The following POGZ variants were observed in gnomAD, a reference collection of about 807,000 sequenced individuals.
The protein encoded by POGZ is pogo transposable element derived with ZNF domain.
Under a neutral mutation model 134.6 loss-of-function variants are expected in POGZ, and 17 were observed. That is an observed-to-expected ratio of 0.13 (90% confidence interval 0.09 to 0.19). The LOEUF is 0.19. Ranked by LOEUF, POGZ falls within the 10% of genes least tolerant of loss-of-function variation. The pLI is 1.00. For synonymous variants in POGZ, 693 were observed against 657.1 expected (o/e 1.05, Z -0.84); for missense variants, 1,306 against 1,769.7 (o/e 0.74, Z 4.70).
chr1:151,434,818 G>A (rs1250380728), intron 3 of POGZ, among the ~76,000 whole-genome samples: 1 of 151,910 alleles, frequency 6.6e-6, no homozygotes, highest in Non-Finnish European at 1.5e-5. Context: ...TCCTGACCTT[G>A]TGATCTGCCC....
intron 3 of POGZ, among the ~76,000 whole-genome samples, chr1:151,439,920 C>A (rs1009838436): frequency 6.6e-6 from 1 of 152,054 alleles, no homozygotes; most frequent in African/African-American, 2.4e-5. Context: ...CTCTTACAAC[C>A]CATTGTTAAT....
At chr1:151,427,068 C>T (rs1332171885) in intron 7 of POGZ, 1 of 150,570 alleles carries the variant, frequency 6.6e-6, no homozygotes, top group Admixed American at 6.6e-5. Context: ...CCACGCCTGG[C>T]TAATCTTTTT....
At chr1:151,418,935 G>A (rs765622383) in intron 10 of POGZ, among the ~76,000 whole-genome samples, 4 of 136,990 alleles carry the variant, frequency 2.9e-5, no homozygotes, top group Non-Finnish European at 4.5e-5. Context: ...TGAGGCAGGA[G>A]AATCGCTTGA....
chr1:151,408,986 C>CA (rs760765508), intron 12 of POGZ, among the ~76,000 whole-genome samples, 158 bp from the exon 13 acceptor site: 1 of 152,114 alleles, frequency 6.6e-6, no homozygotes, highest in Non-Finnish European at 1.5e-5. Flanking sequence ...AACATGACCA[C>CA]AAAACCTACC....
At chr1:151,417,569 C>T (rs953123363) in intron 10 of POGZ, among the ~76,000 whole-genome samples, 4 of 151,212 alleles carry the variant, frequency 2.6e-5, no homozygotes, top group Admixed American at 2.6e-4. Context: ...ACCACGTTGG[C>T]CAGGCTGGTC....
rs184613893 is a variant in POGZ, at chr1:151,419,949, C to T, written c.1678+3448G>A. On this transcript the variant is annotated intron_variant, in intron 10 of 18. Transcript: ENST00000271715. ...TGTGGAACTTCGGAATAACAAAACC[C>T]ACCCCCCATATTACGCGTAAAAATG... Among the ~76,000 whole-genome samples, 300 of 152,054 alleles carry T rather than the reference C, an allele frequency of 2.0e-3. 1 individual carries two copies. The highest frequency in any genetic ancestry group is 7.1e-3 in the African/African-American group (295 of 41,464).
intron 3 of POGZ, among the ~76,000 whole-genome samples, chr1:151,431,771 C>G (rs1405165200): frequency 6.6e-6 from 1 of 152,108 alleles, no homozygotes; most frequent in Admixed American, 6.6e-5. Context: ...TTTAAGTCCC[C>G]TATTTCATGA....
Position 151,406,014 on chromosome 1 carries a change from A to T in POGZ, c.3021T>A (p.Leu1007=). 6.2e-7 allele frequency: 1 copy of T among 1,614,236 alleles called. No individual in the cohort carries two copies. Among genetic ancestry groups the T allele is most frequent in the Non-Finnish European group, 8.5e-7 (1 of 1,180,044 alleles). ...RNPQRRIRRW[L]RRFQASQGEN... Reference sequence around the variant, plus strand: ...CCCCCTGGGAGGCCTGGAAACGTCGAAGCCAACGGCGAATACGTCGCTGGG... The same window carrying T: ...CCCCCTGGGAGGCCTGGAAACGTCGTAGCCAACGGCGAATACGTCGCTGGG... Residue 1007 remains leucine, a synonymous_variant, in exon 19 of 19, where the codon CTT becomes CTA. Coordinates refer to ENST00000271715, the MANE Select transcript of POGZ (RefSeq NM_015100.4).
chr1:151,405,258 G>A lies in POGZ; in HGVS notation c.3777C>T (p.Ser1259=). ...TGCATACATCTAATGGCTGAATTTT[G>A]GAGCTACAGCCTGCTGGGACCACTG... ...LPAVVPAGCS[S]KIQPLDVCIK... The change falls in exon 19 of 19, where the codon TCC becomes TCT. Residue 1259 remains serine (S), a synonymous_variant. Transcript: ENST00000271715. The surrounding 1 kb of genome is among the most constrained non-coding windows in gnomAD (Gnocchi z 4.9). The A allele has an allele frequency of 1.2e-6, 2 of 1,614,140 alleles. No individual in the cohort carries two copies. The highest frequency in any genetic ancestry group is 1.7e-6 in the Non-Finnish European group (2 of 1,180,004).
intron 1 of POGZ, among the ~76,000 whole-genome samples, chr1:151,443,959 A>G (rs1305281769): frequency 1.3e-5 from 2 of 152,042 alleles, no homozygotes; most frequent in African/African-American, 4.8e-5. Context: ...CAAACAACCA[A>G]CCTAACCATT....
intron 10 of POGZ, 83 bp from the exon 11 acceptor site, chr1:151,412,479 TC>T: frequency 8.0e-6 from 6 of 749,634 alleles, no homozygotes; most frequent in Non-Finnish European, 1.4e-5. Context: ...TTTCTCTGCC[TC>T]CTTTATTTTG....
chr1:151,408,879 T>G (rs1287310566), intron 12 of POGZ, 51 bp from the exon 13 acceptor site: 21 of 1,559,066 alleles, frequency 1.3e-5, no homozygotes, highest in Non-Finnish European at 1.8e-5. Context: ...AGGTTCCTAA[T>G]AAATTTTCTT....
chr1:151,431,129 C>G (rs753824215), intron 3 of POGZ, among the ~76,000 whole-genome samples: 1 of 151,840 alleles, frequency 6.6e-6, no homozygotes, highest in Non-Finnish European at 1.5e-5. Context: ...AAGACTGCCA[C>G]TCATCTCAGG....
At chr1:151,424,616 GAAGT>G (rs1557903077) in intron 8 of POGZ, among the ~76,000 whole-genome samples, 1 of 152,110 alleles carries the variant, frequency 6.6e-6, no homozygotes, top group Non-Finnish European at 1.5e-5. Flanking sequence ...CTAAAAAATG[GAAGT>G]AAGAGCTCCC....
chr1:151,429,531 G>A (rs1284062153), intron 5 of POGZ, 72 bp downstream of exon 5: 7 of 713,682 alleles, frequency 9.8e-6, no homozygotes, highest in African/African-American at 5.4e-5. Context: ...AAATGACTTA[G>A]GATATTTAGA....
intron 1 of POGZ, chr1:151,442,431 C>T (rs1660676908): frequency 8.5e-6 from 3 of 352,058 alleles, no homozygotes; most frequent in Admixed American, 4.6e-5. Context: ...GGTTACAGGC[C>T]GGGCATGGTG....
chr1:151,448,458 T>A (rs1557948687), intron 1 of POGZ, among the ~76,000 whole-genome samples: 1 of 152,068 alleles, frequency 6.6e-6, no homozygotes, highest in African/African-American at 2.4e-5. Flanking sequence ...TTAAAATTTT[T>A]AAAAAATTAT....
At chr1:151,437,142 C>T (rs1200375177) in intron 3 of POGZ, among the ~76,000 whole-genome samples, 2 of 151,258 alleles carry the variant, frequency 1.3e-5, no homozygotes, top group Admixed American at 1.3e-4. Context: ...TGCAGTGAGC[C>T]GAGATTGCGC....
At chr1:151,449,835 G>T (rs1186897428) in intron 1 of POGZ, among the ~76,000 whole-genome samples, 1 of 152,172 alleles carries the variant, frequency 6.6e-6, no homozygotes, top group Non-Finnish European at 1.5e-5. Context: ...GATGCAGCTT[G>T]CAGACTGCAC....
Sources: allele counts gnomAD v4.1 joint callset (sites outside exome capture counted in the v4.1 genomes callset), GRCh38; gene constraint gnomAD v4.1.1; non-coding constraint Gnocchi (gnomAD v3.1); transcripts MANE v1.5; gene names NCBI Gene and HGNC (gene_info 2026-07-23, HGNC 2026-07-21).